The following TRPM3 variants were observed in gnomAD, a reference collection of about 807,000 sequenced individuals.
The protein encoded by TRPM3 is transient receptor potential cation channel subfamily M member 3.
Under a neutral mutation model 181.2 loss-of-function variants are expected in TRPM3, and 77 were observed. The observed-to-expected ratio is 0.42, with a 90% CI of 0.35 to 0.51. The LOEUF is 0.51. Among genes scored for constraint, TRPM3 ranks in the 20% least tolerant of loss-of-function variants. TRPM3 has a pLI of 0.01. For synonymous variants in TRPM3, 745 were observed against 796.4 expected (o/e 0.94, Z 1.09); for missense variants, 1,759 against 2,196.7 (o/e 0.80, Z 3.98).
At chr9:70,830,735 C>T (rs943473939) in intron 5 of TRPM3, among the ~76,000 whole-genome samples, 1 of 152,164 alleles carries the variant, frequency 6.6e-6, no homozygotes, top group Non-Finnish European at 1.5e-5. Flanking sequence ...CTGTGTGAAT[C>T]TGAGTCTCAC....
chr9:71,348,658 C>T (rs2091433717), intron 1 of TRPM3, among the ~76,000 whole-genome samples: 1 of 151,942 alleles, frequency 6.6e-6, no homozygotes, highest in South Asian at 2.1e-4. Flanking sequence ...CAGCCTCAGC[C>T]TCCTGGGTTC....
chr9:71,104,569 A>C (rs1393924820), intron 1 of TRPM3, among the ~76,000 whole-genome samples: 1 of 152,198 alleles, frequency 6.6e-6, no homozygotes, highest in Non-Finnish European at 1.5e-5. Flanking sequence ...AAAACCAGAG[A>C]TAAGAAGGCT....
chr9:70,609,056 T>C (rs1167751110), intron 19 of TRPM3, among the ~76,000 whole-genome samples: 1 of 152,226 alleles, frequency 6.6e-6, no homozygotes, highest in Non-Finnish European at 1.5e-5. Flanking sequence ...ATTGTACTTA[T>C]ATGTCAAGGA....
At chr9:71,316,075 A>C (rs1351133977) in intron 1 of TRPM3, among the ~76,000 whole-genome samples, 1 of 152,218 alleles carries the variant, frequency 6.6e-6, no homozygotes, top group Non-Finnish European at 1.5e-5. Flanking sequence ...ATGGAGTTAC[A>C]TCTGCTACCC....
At chr9:71,292,380 T>C (rs547117052) in intron 1 of TRPM3, among the ~76,000 whole-genome samples, 21 of 151,752 alleles carry the variant, frequency 1.4e-4, no homozygotes, top group South Asian at 1.3e-3. Flanking sequence ...ATTAACAGAG[T>C]TAATCTGTTT....
chr9:71,247,045 G>A (rs1360080111), intron 1 of TRPM3, among the ~76,000 whole-genome samples: 2 of 152,160 alleles, frequency 1.3e-5, no homozygotes, highest in Non-Finnish European at 1.5e-5. Context: ...AAGGACAACA[G>A]TGGCAGTGGA....
intron 1 of TRPM3, among the ~76,000 whole-genome samples, chr9:71,249,803 A>G (rs780622357): frequency 1.3e-5 from 2 of 152,228 alleles, no homozygotes; most frequent in Non-Finnish European, 2.9e-5. Context: ...ACTGCAGAAC[A>G]GAAAGCAACG....
At chr9:71,316,030 C>T in intron 1 of TRPM3, among the ~76,000 whole-genome samples, 1 of 152,114 alleles carries the variant, frequency 6.6e-6, no homozygotes, top group East Asian at 1.9e-4. Context: ...TAGTAGTTTT[C>T]AACTGTTTGC....
chr9:71,260,398 G>T (rs775137856), intron 1 of TRPM3, among the ~76,000 whole-genome samples: 2 of 152,100 alleles, frequency 1.3e-5, no homozygotes, highest in Non-Finnish European at 2.9e-5. Context: ...ATTTAAAGTA[G>T]TTTTTTCTAA....
chr9:70,661,146 A>G (rs1174630406), intron 9 of TRPM3, among the ~76,000 whole-genome samples: 1 of 148,206 alleles, frequency 6.7e-6, no homozygotes, highest in Non-Finnish European at 1.5e-5. Context: ...AGTCAAGTCA[A>G]TAAGTGTGAT....
intron 1 of TRPM3, among the ~76,000 whole-genome samples, chr9:70,948,438 T>C (rs183424425): frequency 2.6e-5 from 4 of 152,292 alleles, no homozygotes; most frequent in Admixed American, 1.3e-4. Flanking sequence ...TTTACTCTAA[T>C]TAAACATAAA....
At chr9:70,764,126 C>T (rs1012203257) in intron 7 of TRPM3, among the ~76,000 whole-genome samples, 1 of 152,040 alleles carries the variant, frequency 6.6e-6, no homozygotes, top group Non-Finnish European at 1.5e-5. Context: ...AGGTTTTATC[C>T]CCCAGACAAT....
chr9:70,830,156 C>T (rs2093802998), intron 5 of TRPM3, among the ~76,000 whole-genome samples: 2 of 152,144 alleles, frequency 1.3e-5, no homozygotes, highest in South Asian at 4.1e-4. Context: ...GAACACCGGG[C>T]ATTTGTGCTG....
intron 1 of TRPM3, among the ~76,000 whole-genome samples, chr9:71,106,727 T>G (rs967165818): frequency 6.6e-6 from 1 of 152,222 alleles, no homozygotes; most frequent in Non-Finnish European, 1.5e-5. Context: ...TTGCCATAGC[T>G]CTTGTTTACT....
At chr9:70,615,596 C>A (rs1179338350) in intron 18 of TRPM3, among the ~76,000 whole-genome samples, 3 of 152,180 alleles carry the variant, frequency 2.0e-5, no homozygotes, top group Non-Finnish European at 4.4e-5. Flanking sequence ...GAGACAGACA[C>A]ATCATCTGGT....
At chr9:71,280,755 C>T (rs548748348) in intron 1 of TRPM3, among the ~76,000 whole-genome samples, 2 of 152,214 alleles carry the variant, frequency 1.3e-5, no homozygotes, top group South Asian at 2.1e-4. Context: ...TTCTCGTGGC[C>T]TCCTCTCACA....
At chr9:71,366,180 T>C (rs373246347) in intron 1 of TRPM3, among the ~76,000 whole-genome samples, 33 of 152,222 alleles carry the variant, frequency 2.2e-4, no homozygotes, top group African/African-American at 7.7e-4. Flanking sequence ...TTGAGTTCAT[T>C]TCTTTTCTAT....
chr9:71,029,808 CAAAT>C (rs1335445359), intron 1 of TRPM3, among the ~76,000 whole-genome samples: 2 of 152,002 alleles, frequency 1.3e-5, no homozygotes, highest in East Asian at 1.9e-4. Flanking sequence ...ATATTAATAA[CAAAT>C]AAACAGATAA....
At chr9:71,418,894 AT>A (rs1342942178) in intron 1 of TRPM3, among the ~76,000 whole-genome samples, 1 of 105,426 alleles carries the variant, frequency 9.5e-6, no homozygotes, top group East Asian at 2.8e-4. Flanking sequence ...ATACACACAT[AT>A]ATATGTGTGT....
Sources: gnomAD v4.1 joint callset for allele counts (sites outside exome capture counted in the v4.1 genomes callset) on GRCh38, gnomAD v4.1.1 for gene constraint, MANE v1.5 for transcripts, NCBI Gene and HGNC (gene_info 2026-07-23, HGNC 2026-07-21) for gene names.